Variants in SLC14A2 observed in about 807,000 individuals in gnomAD.
The protein encoded by SLC14A2 is solute carrier family 14 member 2.
In SLC14A2, 91 loss-of-function variants were observed where a neutral mutation model predicts 104.6. The ratio of observed to expected loss-of-function variants is 0.87; its 90% CI spans 0.73 to 1.04. The LOEUF (loss-of-function observed/expected upper bound fraction) is 1.04. Among genes scored for constraint, SLC14A2 ranks in the 50% least tolerant of loss-of-function variants. The pLI, the probability that SLC14A2 is intolerant of heterozygous loss-of-function variation, is 0.00. For synonymous variants in SLC14A2, 476 were observed against 466.4 expected, an observed-to-expected ratio of 1.02 and a Z score of -0.27; for missense variants, 1,189 against 1,156.0, an observed-to-expected ratio of 1.03 and a Z score of -0.41.
chr18:45,624,128 G>C (rs1284709680), intron 1 of SLC14A2, among the ~76,000 whole-genome samples: 2 of 152,180 alleles, frequency 1.3e-5, no homozygotes, highest in African/African-American at 4.8e-5. Flanking sequence ...TCCTAGGGAA[G>C]GGAAAGAGGG....
chr18:45,534,377 A>AG (rs1162151631), intron 2 of SLC14A2, among the ~76,000 whole-genome samples: 1 of 152,142 alleles, frequency 6.6e-6, no homozygotes, highest in African/African-American at 2.4e-5. Context: ...AACCCCAGAG[A>AG]GGTACAGACG....
intron 1 of SLC14A2, among the ~76,000 whole-genome samples, chr18:45,337,092 C>G (rs1398653453): frequency 2.6e-5 from 4 of 151,344 alleles, no homozygotes; most frequent in African/African-American, 9.7e-5. Context: ...CAGCTCTAAG[C>G]AGGATGGGAG....
rs116141719 is a variant in SLC14A2 at position 45,402,229 on chromosome 18, C to T, written c.-124-81004C>T. Among the ~76,000 whole-genome samples, 482 of 152,276 alleles carry T rather than the reference C, an allele frequency of 3.2e-3. 1 individual carries two copies. The highest frequency in any genetic ancestry group is 0.011 in the African/African-American group (463 of 41,562). Reference sequence around the variant, plus strand: ...TCCAGCCTTCTCACCCAGCACCCCTCCCTTCCTTTCCTCCTGCAAAAAAAA... The same window carrying T: ...TCCAGCCTTCTCACCCAGCACCCCTTCCTTCCTTTCCTCCTGCAAAAAAAA... On this transcript the variant is annotated intron_variant, in intron 1 of 20. Transcript: ENST00000586448.
chr18:45,538,847 T>TC (rs1203535992), intron 2 of SLC14A2, among the ~76,000 whole-genome samples: 37 of 131,768 alleles, frequency 2.8e-4, no homozygotes, highest in African/African-American at 1.1e-3. Flanking sequence ...TTCTCCCCCT[T>TC]CCCTTTTTTT....
At chr18:45,601,899 G>A (rs1035379293) in intron 2 of SLC14A2, among the ~76,000 whole-genome samples, 2 of 152,240 alleles carry the variant, frequency 1.3e-5, no homozygotes, top group African/African-American at 4.8e-5. Flanking sequence ...TATCCAGGAA[G>A]CATCTGCTTA....
At chr18:45,641,571 A>G (rs550239162) in intron 8 of SLC14A2, among the ~76,000 whole-genome samples, 1 of 152,358 alleles carries the variant, frequency 6.6e-6, no homozygotes, top group African/African-American at 2.4e-5. Flanking sequence ...CAGTGTTGTA[A>G]AGTTTATAAG....
At chr18:45,350,049 A>G (rs2085487080) in intron 1 of SLC14A2, among the ~76,000 whole-genome samples, 1 of 152,224 alleles carries the variant, frequency 6.6e-6, no homozygotes, top group South Asian at 2.1e-4. Context: ...CAAAAGCAAA[A>G]TAATTACTGC....
intron 2 of SLC14A2, among the ~76,000 whole-genome samples, chr18:45,519,496 T>C (rs2043487437): frequency 6.6e-6 from 1 of 152,178 alleles, no homozygotes; most frequent in African/African-American, 2.4e-5. Flanking sequence ...CCCATGCCCA[T>C]GCGTGAGCAT....
upstream of SLC14A2, among the ~76,000 whole-genome samples, chr18:45,211,887 C>T (rs1442380405): frequency 6.6e-6 from 1 of 152,186 alleles, no homozygotes; most frequent in East Asian, 1.9e-4. Flanking sequence ...ATAGAAAAGG[C>T]TTTTCCTACA....
intron 1 of SLC14A2, among the ~76,000 whole-genome samples, chr18:45,478,911 T>C (rs1268729501): frequency 6.6e-6 from 1 of 152,210 alleles, no homozygotes; most frequent in Non-Finnish European, 1.5e-5. Flanking sequence ...CCCCTTTTCT[T>C]AATGGAAGAG....
At chr18:45,395,997 T>C (rs893727618) in intron 1 of SLC14A2, among the ~76,000 whole-genome samples, 31 of 152,152 alleles carry the variant, frequency 2.0e-4, no homozygotes, top group African/African-American at 7.5e-4. Flanking sequence ...ATACTACTAA[T>C]TGCAGGGCTT....
intron 2 of SLC14A2, among the ~76,000 whole-genome samples, chr18:45,588,824 C>T (rs1415572377): frequency 6.6e-6 from 1 of 152,150 alleles, no homozygotes; most frequent in African/African-American, 2.4e-5. Context: ...TTCTAAAACC[C>T]TATAAACCCT....
At chr18:45,417,856 G>A (rs776350052) in intron 1 of SLC14A2, among the ~76,000 whole-genome samples, 1 of 152,144 alleles carries the variant, frequency 6.6e-6, no homozygotes, top group Non-Finnish European at 1.5e-5. Context: ...AGGAGGAAAG[G>A]ACTTTTTTAA....
chr18:45,597,675 C>G (rs1186225216), intron 2 of SLC14A2, among the ~76,000 whole-genome samples: 1 of 152,108 alleles, frequency 6.6e-6, no homozygotes, highest in Admixed American at 6.5e-5. Context: ...AGGTTTTGAG[C>G]AGGAGAGGGA....
At chr18:45,466,471 T>G (rs1190946992) in intron 1 of SLC14A2, among the ~76,000 whole-genome samples, 2 of 150,624 alleles carry the variant, frequency 1.3e-5, no homozygotes, top group African/African-American at 4.9e-5. Context: ...TCTTTCTGAA[T>G]GAGAGGAATA....
chr18:45,503,831 T>C (rs879847586), intron 2 of SLC14A2, among the ~76,000 whole-genome samples: 122,962 of 151,624 alleles, frequency 0.81, 50,924 homozygotes, highest in East Asian at 0.91. Context: ...ATCCCTGAAT[T>C]ATCAAAGATA....
At chr18:45,605,058 C>G (rs1197433709) in intron 2 of SLC14A2, among the ~76,000 whole-genome samples, 1 of 152,142 alleles carries the variant, frequency 6.6e-6, no homozygotes, top group Non-Finnish European at 1.5e-5. Flanking sequence ...TGATCATCAT[C>G]ATAATACAAT....
intron 1 of SLC14A2, among the ~76,000 whole-genome samples, chr18:45,331,788 C>T (rs1482503657): frequency 6.6e-6 from 1 of 152,114 alleles, no homozygotes. Flanking sequence ...AACATTCTAG[C>T]ACTCTTGTTC....
intron 2 of SLC14A2, among the ~76,000 whole-genome samples, chr18:45,555,973 T>C (rs556128035): frequency 1.3e-5 from 2 of 152,276 alleles, no homozygotes; most frequent in Admixed American, 6.5e-5. Flanking sequence ...TATAACAAAT[T>C]ACCATAGACT....
Sources: gnomAD v4.1 joint callset for allele counts (sites outside exome capture counted in the v4.1 genomes callset) on GRCh38, gnomAD v4.1.1 for gene constraint, MANE v1.5 for transcripts, NCBI Gene and HGNC (gene_info 2026-07-23, HGNC 2026-07-21) for gene names.